Variants in KCNH7 observed in about 807,000 individuals in gnomAD.
KCNH7 encodes voltage-gated inwardly rectifying potassium channel KCNH7.
In KCNH7, 49 loss-of-function variants were observed where a neutral mutation model predicts 120.8. The observed-to-expected ratio is 0.41, with a 90% CI of 0.32 to 0.51. KCNH7 has a LOEUF of 0.51. Among genes scored for constraint, KCNH7 ranks in the 20% least tolerant of loss-of-function variants. The pLI is 0.38. For missense variants in KCNH7, 1,097 were observed against 1,446.6 expected (o/e 0.76, Z 3.92); for synonymous variants, 547 against 516.1 (o/e 1.06, Z -0.81).
intron 6 of KCNH7, among the ~76,000 whole-genome samples, chr2:162,457,877 G>T (rs1294321954): frequency 6.6e-6 from 1 of 152,054 alleles, no homozygotes; most frequent in East Asian, 1.9e-4. Flanking sequence ...TATGATTTGT[G>T]AAAAACAGCC....
intron 2 of KCNH7, among the ~76,000 whole-genome samples, chr2:162,615,383 T>C (rs762143971): frequency 2.4e-4 from 36 of 152,340 alleles, no homozygotes; most frequent in Non-Finnish European, 4.1e-4. Context: ...ATTACTGTTT[T>C]CTGTTGACTA....
intron 6 of KCNH7, among the ~76,000 whole-genome samples, chr2:162,460,093 C>CA (rs575038181): frequency 0.036 from 1,683 of 47,030 alleles, 33 homozygotes; most frequent in Non-Finnish European, 0.041. Context: ...GACTCCATCT[C>CA]AAAAAAAAAA....
chr2:162,499,053 A>G (rs536219964), intron 6 of KCNH7, among the ~76,000 whole-genome samples: 1 of 152,242 alleles, frequency 6.6e-6, no homozygotes, highest in African/African-American at 2.4e-5. Context: ...CCACGGCACC[A>G]TCTTCTTTAA....
chr2:162,710,120 A>G (rs1686869253), intron 2 of KCNH7, among the ~76,000 whole-genome samples: 1 of 152,140 alleles, frequency 6.6e-6, no homozygotes, highest in African/African-American at 2.4e-5. Context: ...TCAGATGTTA[A>G]AATAGCTTTG....
chr2:162,731,800 G>A (rs999948158), intron 2 of KCNH7, among the ~76,000 whole-genome samples: 1 of 152,102 alleles, frequency 6.6e-6, no homozygotes, highest in African/African-American at 2.4e-5. Flanking sequence ...TTTAAAAACT[G>A]AAATAATTGC....
At chr2:162,464,069 G>T (rs1325963348) in intron 6 of KCNH7, among the ~76,000 whole-genome samples, 1 of 151,884 alleles carries the variant, frequency 6.6e-6, no homozygotes, top group Non-Finnish European at 1.5e-5. Context: ...ATCAACCAAA[G>T]TCTTTTAGTA....
In KCNH7 at chr2:162,672,614, T is replaced by G. The variant is rs192827831; in HGVS notation, c.308-135534A>C. ...GAAATAATAACAAATGTTAATGAAATGAAGAGCAGAAAAAATAGAAATAAT... is the reference window on the plus strand; with the variant it reads ...GAAATAATAACAAATGTTAATGAAAGGAAGAGCAGAAAAAATAGAAATAAT... On this transcript the variant is annotated intron_variant, in intron 2 of 15. Transcript: ENST00000332142. 1.6e-3 allele frequency among the ~76,000 whole-genome samples: 247 copies of G among 151,976 alleles called. 3 individuals are homozygous for G. The highest frequency in any genetic ancestry group is 0.016 in the Admixed American group (246 of 15,246).
intron 2 of KCNH7, among the ~76,000 whole-genome samples, chr2:162,701,669 T>C (rs1686503594): frequency 6.6e-6 from 1 of 152,116 alleles, no homozygotes; most frequent in Admixed American, 6.6e-5. Flanking sequence ...AAAATGAGGC[T>C]TAAGGGTTAG....
At chr2:162,429,084 T>G (rs1442877270) in intron 8 of KCNH7, among the ~76,000 whole-genome samples, 1 of 151,876 alleles carries the variant, frequency 6.6e-6, no homozygotes, top group African/African-American at 2.4e-5. Flanking sequence ...ATTTTACATT[T>G]GTTATTTTGT....
At chr2:162,624,528 C>T (rs1468123765) in intron 2 of KCNH7, among the ~76,000 whole-genome samples, 1 of 152,144 alleles carries the variant, frequency 6.6e-6, no homozygotes, top group Non-Finnish European at 1.5e-5. Context: ...TAAACCTGGT[C>T]TGCTGTCATT....
At chr2:162,673,103 TA>T (rs1685416183) in intron 2 of KCNH7, among the ~76,000 whole-genome samples, 1 of 152,020 alleles carries the variant, frequency 6.6e-6, no homozygotes, top group Non-Finnish European at 1.5e-5. Flanking sequence ...TACCAAACTT[TA>T]AAATAGCTGA....
intron 2 of KCNH7, among the ~76,000 whole-genome samples, chr2:162,722,096 C>G (rs978061442): frequency 3.3e-5 from 5 of 151,942 alleles, no homozygotes; most frequent in Non-Finnish European, 7.4e-5. Context: ...GTCAATACCA[C>G]TAAGGGAACA....
At chr2:162,752,931 AAGAAAAGAAAAGAAAAGAAAAG>A (rs1559116212) in intron 2 of KCNH7, among the ~76,000 whole-genome samples, 3 of 86,378 alleles carry the variant, frequency 3.5e-5, no homozygotes, top group Non-Finnish European at 6.1e-5. Flanking sequence ...AAGAAAAGAA[AAGAAAAGAAAAGAAAAGAAAAG>A]AAAAGAAAAG....
chr2:162,432,298 T>C (rs1688095621), intron 8 of KCNH7, among the ~76,000 whole-genome samples: 1 of 152,010 alleles, frequency 6.6e-6, no homozygotes, highest in African/African-American at 2.4e-5. Context: ...CTGGGTACAA[T>C]GTTACTTCTG....
chr2:162,775,039 A>G (rs1683184171), intron 2 of KCNH7, among the ~76,000 whole-genome samples: 1 of 152,184 alleles, frequency 6.6e-6, no homozygotes, highest in Non-Finnish European at 1.5e-5. Flanking sequence ...TGACCCTTGA[A>G]ATAATTTTTT....
chr2:162,528,231 C>T (rs1691781809), intron 3 of KCNH7: 1 of 151,948 alleles, frequency 6.6e-6, no homozygotes, highest in South Asian at 2.1e-4. Flanking sequence ...AATGTCCCTG[C>T]CATGAAGTAG....
chr2:162,653,330 T>A (rs989116026), intron 2 of KCNH7, among the ~76,000 whole-genome samples: 3 of 152,172 alleles, frequency 2.0e-5, no homozygotes, highest in Non-Finnish European at 4.4e-5. Flanking sequence ...AAGGACATGA[T>A]CTCAGATTTC....
intron 2 of KCNH7, among the ~76,000 whole-genome samples, chr2:162,770,337 T>C (rs540405361): frequency 1.2e-3 from 173 of 147,942 alleles, no homozygotes; most frequent in African/African-American, 4.0e-3. Context: ...TATATATATA[T>C]ACATTCATAT....
intron 12 of KCNH7, among the ~76,000 whole-genome samples, chr2:162,386,805 G>A (rs557856780): frequency 1.3e-5 from 2 of 151,686 alleles, no homozygotes; most frequent in South Asian, 2.1e-4. Context: ...ATGGTAGAAT[G>A]TTCTGTTTTA....
Sources: allele counts gnomAD v4.1 joint callset (sites outside exome capture counted in the v4.1 genomes callset), GRCh38; gene constraint gnomAD v4.1.1; transcripts MANE v1.5; gene names NCBI Gene and HGNC (gene_info 2026-07-23, HGNC 2026-07-21).